Variants in AASDH observed in about 807,000 individuals in gnomAD.
The protein encoded by AASDH is aminoadipate-semialdehyde dehydrogenase.
Under a neutral mutation model 102.3 loss-of-function variants are expected in AASDH, and 81 were observed. The ratio of observed to expected loss-of-function variants is 0.79; its 90% confidence interval spans 0.66 to 0.95. AASDH has a LOEUF of 0.95. Among genes scored for constraint, AASDH ranks in the 40% least tolerant of loss-of-function variants. The probability of loss-of-function intolerance (pLI) is 0.00; values close to 1 mark genes in which losing one functional copy is unlikely to be tolerated. For synonymous variants in AASDH, 398 were observed against 454.0 expected (o/e 0.88, Z 1.57); for missense variants, 1,203 against 1,266.2 (o/e 0.95, Z 0.76).
At chr4:56,382,944 C>T (rs997001277) in intron 2 of AASDH, among the ~76,000 whole-genome samples, 7 of 152,204 alleles carry the variant, frequency 4.6e-5, no homozygotes, top group Non-Finnish European at 1.0e-4. Flanking sequence ...GCAATCCCAG[C>T]TACTTGGGAG....
In AASDH at chr4:56,338,693, G is replaced by GTAGA. The variant is rs1747201569; in HGVS notation, c.3002_3005dup (p.Cys1003LeufsTer4). 6.2e-7 allele frequency: 1 copy of GTAGA among 1,614,168 alleles called. No homozygotes were observed. Among genetic ancestry groups the GTAGA allele is most frequent in the Non-Finnish European group, 8.5e-7 (1 of 1,180,028 alleles). On this transcript the variant is annotated frameshift_variant, in exon 15 of 15. Transcript: ENST00000205214. LOFTEE classifies it high-confidence loss of function. ...GCAGGTGACCTTTCATGTTACAACA[G>GTAGA]TAGATAAAGCAATCATGGGAACCAA...
At chr4:56,347,087 G>T (rs1391008883) in intron 11 of AASDH, among the ~76,000 whole-genome samples, 1 of 149,608 alleles carries the variant, frequency 6.7e-6, no homozygotes, top group Non-Finnish European at 1.5e-5. Context: ...CTAGGGAAAG[G>T]CAAATTAAAA....
chr4:56,354,680 T>A, intron 7 of AASDH, 25 bp downstream of exon 7: 2 of 1,531,928 alleles, frequency 1.3e-6, no homozygotes, highest in Non-Finnish European at 1.8e-6. Flanking sequence ...AAAAAAAAAT[T>A]CCCAATCAAC....
Position 56,338,708 on chromosome 4 carries a change from A to T in AASDH, c.2991T>A (p.His997Gln), listed in dbSNP as rs372566623. The change falls in exon 15 of 15, where the codon CAT becomes CAA. Residue 997 changes from histidine (H) to glutamine (Q), a missense_variant. Coordinates refer to ENST00000205214, the MANE Select transcript of AASDH (RefSeq NM_181806.4). ...TGTTACAACAGTAGATAAAGCAATC[A>T]TGGGAACCAAAAAATATTTTTTGCT... is the stretch of plus-strand genomic sequence containing the variant. Reference protein sequence around the residue: ...PSEQKIFFGSHDCFIYCCNMK... With the variant: ...PSEQKIFFGSQDCFIYCCNMK... 4 of 1,614,080 alleles carry T rather than the reference A, an allele frequency of 2.5e-6. No homozygotes were observed. In the African/African-American group the frequency reaches 5.3e-5, roughly 22 times the overall value.
rs182636483 is a variant in AASDH at position 56,383,992 on chromosome 4, A to G, written c.230+78T>C. On this transcript the variant is annotated intron_variant, in intron 2 of 14. Coordinates refer to ENST00000205214, the MANE Select transcript of AASDH (RefSeq NM_181806.4). ...AGAAAAGTCCAATAGTAAACAGAACAATAACTTGCAATATACTCTATTAAA... is the reference window on the plus strand; with the variant it reads ...AGAAAAGTCCAATAGTAAACAGAACGATAACTTGCAATATACTCTATTAAA... The G allele has an allele frequency of 2.7e-4, 334 of 1,243,944 alleles. No homozygotes were observed. The African/African-American group carries it at 4.7e-3, about 17-fold the overall frequency. The allele number at this position is 1,243,944 out of a possible 1,614,324, so 77.1% of individuals were successfully genotyped here. A position where few individuals can be genotyped will look rare whatever the true frequency, so the allele number is the denominator to read the frequency against.
At chr4:56,345,346 T>C in intron 11 of AASDH, 56 bp from the exon 12 acceptor site, 2 of 1,523,816 alleles carry the variant, frequency 1.3e-6, no homozygotes, top group Non-Finnish European at 1.8e-6. Context: ...GGAAAATAAT[T>C]CTTTAGCCTA....
chr4:56,341,389 CT>C (rs575687659), intron 14 of AASDH, among the ~76,000 whole-genome samples: 4,891 of 92,142 alleles, frequency 0.053, 61 homozygotes, highest in East Asian at 0.16. Context: ...AGACTTTTAT[CT>C]TTTTTTTTTT....
At chr4:56,373,366 C>T (rs1751966881) in intron 4 of AASDH, among the ~76,000 whole-genome samples, 1 of 152,076 alleles carries the variant, frequency 6.6e-6, no homozygotes, top group African/African-American at 2.4e-5. Flanking sequence ...CGGTCTCGAA[C>T]TCCTGACCTC....
intron 4 of AASDH, among the ~76,000 whole-genome samples, chr4:56,376,013 G>A (rs1051105087): frequency 8.8e-5 from 12 of 135,876 alleles, no homozygotes; most frequent in African/African-American, 2.8e-4. Context: ...CCTCTAAACC[G>A]CTCATCTTTT....
At chr4:56,359,229 A>G (rs1224211616) in intron 5 of AASDH, among the ~76,000 whole-genome samples, 2 of 151,884 alleles carry the variant, frequency 1.3e-5, no homozygotes, top group African/African-American at 4.8e-5. Context: ...TTATTAAAAA[A>G]TATATGTTCT....
chr4:56,351,259 T>C (rs1378991325), intron 10 of AASDH, 83 bp downstream of exon 10: 2 of 824,834 alleles, frequency 2.4e-6, no homozygotes, highest in East Asian at 5.6e-5. Flanking sequence ...GAAAATTTTA[T>C]CCAACTTGTT....
At chr4:56,355,076 G>GT in intron 6 of AASDH, 106 bp downstream of exon 6, 1 of 1,312,426 alleles carries the variant, frequency 7.6e-7, no homozygotes, top group East Asian at 2.4e-5. Flanking sequence ...AGATACAATC[G>GT]TGTTTCTAAA....
chr4:56,371,319 G>T, intron 5 of AASDH, 132 bp downstream of exon 5: 1 of 868,714 alleles, frequency 1.2e-6, no homozygotes, highest in Non-Finnish European at 1.7e-6. Flanking sequence ...ACATCCTGAG[G>T]AGACGGCCCT....
intron 11 of AASDH, among the ~76,000 whole-genome samples, chr4:56,345,576 CTG>C (rs770817643): frequency 6.6e-6 from 1 of 152,132 alleles, no homozygotes; most frequent in Non-Finnish European, 1.5e-5. Context: ...ATAAAGTACA[CTG>C]TGGTGGAGAG....
chr4:56,340,072 G>A (rs927238505), intron 14 of AASDH, among the ~76,000 whole-genome samples: 5 of 152,114 alleles, frequency 3.3e-5, no homozygotes, highest in Admixed American at 6.5e-5. Context: ...AGGAGGCTGA[G>A]GCAGGAGAAT....
Position 56,338,772 on chromosome 4 carries a change from C to CTGGT in AASDH, c.2923_2926dup (p.Ser976AsnfsTer24). The CTGGT allele has an allele frequency of 1.2e-6, 2 of 1,614,024 alleles. No individual in the cohort carries two copies. Among genetic ancestry groups the CTGGT allele is most frequent in the African/African-American group, 1.3e-5 (1 of 75,038 alleles). On this transcript the variant is annotated frameshift_variant, in exon 15 of 15. Transcript: ENST00000205214. LOFTEE classifies it low-confidence loss of function (END_TRUNC). Reference sequence around the variant, plus strand: ...ACACGGGGATGAAAAGATTGGTCCACTGGTAGAGAACTGCCAAACCTATAA... The same window carrying CTGGT: ...ACACGGGGATGAAAAGATTGGTCCACTGGTTGGTAGAGAACTGCCAAACCTATAA...
intron 5 of AASDH, among the ~76,000 whole-genome samples, chr4:56,355,636 T>G (rs1749550655): frequency 6.7e-6 from 1 of 150,116 alleles, no homozygotes; most frequent in African/African-American, 2.5e-5. Context: ...GTTTGTTTTT[T>G]GAGACAGGGT....
intron 14 of AASDH, among the ~76,000 whole-genome samples, chr4:56,342,623 C>A (rs2109845818): frequency 6.6e-6 from 1 of 152,000 alleles, no homozygotes; most frequent in South Asian, 2.1e-4. Context: ...CATGGCTTCA[C>A]AATTAAAATA....
intron 13 of AASDH, 147 bp from the exon 14 acceptor site, chr4:56,343,113 T>C: frequency 1.4e-6 from 1 of 704,660 alleles, no homozygotes; most frequent in Non-Finnish European, 2.0e-6. Context: ...GAAGCTGGTA[T>C]ACATATATAA....
Sources: gnomAD v4.1 joint callset for allele counts (sites outside exome capture counted in the v4.1 genomes callset) on GRCh38, gnomAD v4.1.1 for gene constraint, MANE v1.5 for transcripts, NCBI Gene and HGNC (gene_info 2026-07-23, HGNC 2026-07-21) for gene names.